Variants in RHOT1 observed in about 807,000 individuals in gnomAD.
The protein encoded by RHOT1 is mitochondrial Rho GTPase 1.
Under a neutral mutation model 95.3 loss-of-function variants are expected in RHOT1, and 27 were observed. The observed-to-expected ratio is 0.28, with a 90% CI of 0.21 to 0.39. The LOEUF is 0.39. Among genes scored for constraint, RHOT1 ranks in the 10% least tolerant of loss-of-function variants. The pLI is 1.00. For synonymous variants in RHOT1, 227 were observed against 263.5 expected (o/e 0.86, Z 1.34); for missense variants, 578 against 786.7 (o/e 0.73, Z 3.17).
intron 7 of RHOT1, 64 bp downstream of exon 7, chr17:32,182,929 A>G: frequency 9.7e-7 from 1 of 1,033,530 alleles, no homozygotes; most frequent in Non-Finnish European, 1.5e-6. Context: ...TCGGGTTTTA[A>G]ATAGGGGGGA....
chr17:32,208,556 A>G, intron 18 of RHOT1: 1 of 403,454 alleles, frequency 2.5e-6, no homozygotes. Flanking sequence ...ATAGAATAGT[A>G]CAATAAAACA....
chr17:32,157,750 T>C (rs530370805), intron 1 of RHOT1, among the ~76,000 whole-genome samples: 3 of 151,904 alleles, frequency 2.0e-5, no homozygotes, highest in Admixed American at 2.0e-4. Flanking sequence ...GAGGTTGCAG[T>C]GAGCTGAGAT....
intron 6 of RHOT1, chr17:32,178,972 TGAG>T (rs1280977792): frequency 2.2e-5 from 3 of 136,946 alleles, no homozygotes; most frequent in Non-Finnish European, 4.4e-5. Context: ...GTCTGGGAAG[TGAG>T]GAGCGCCTCT....
At chr17:32,165,060 C>T (rs139023794) in intron 1 of RHOT1, among the ~76,000 whole-genome samples, 168 of 150,536 alleles carry the variant, frequency 1.1e-3, no homozygotes, top group African/African-American at 3.4e-3. Flanking sequence ...CAGGGCCGGG[C>T]GTGGGCGTGG....
At chr17:32,180,637 TAA>T (rs1273650499) in intron 6 of RHOT1, among the ~76,000 whole-genome samples, 1 of 47,596 alleles carries the variant, frequency 2.1e-5, no homozygotes, top group African/African-American at 8.0e-5. Context: ...CAATAAACAT[TAA>T]AAAAAAAAGT....
intron 1 of RHOT1, among the ~76,000 whole-genome samples, chr17:32,156,466 TCA>T (rs1372947926): frequency 6.6e-6 from 1 of 152,214 alleles, no homozygotes; most frequent in Non-Finnish European, 1.5e-5. Context: ...AGGCGGGGTC[TCA>T]CTGTGTTGCC....
chr17:32,168,111 CAA>C (rs879435542), intron 1 of RHOT1, among the ~76,000 whole-genome samples: 19 of 140,390 alleles, frequency 1.4e-4, no homozygotes, highest in African/African-American at 5.0e-4. Context: ...ACCTACTCCT[CAA>C]AAAAAAAAAA....
chr17:32,149,633 A>ATGTGTGTGTGTGTGTGTGTGTGTG (rs1233010217), intron 1 of RHOT1, among the ~76,000 whole-genome samples: 3 of 81,280 alleles, frequency 3.7e-5, no homozygotes, highest in African/African-American at 4.7e-5. Context: ...ATATATATAT[A>ATGTGTGTGTGTGTGTGTGTGTGTG]TATGTGTGTG....
intron 1 of RHOT1, among the ~76,000 whole-genome samples, chr17:32,170,700 A>G (rs2034505133): frequency 6.6e-6 from 1 of 152,212 alleles, no homozygotes; most frequent in African/African-American, 2.4e-5. Flanking sequence ...TAATTAAGTG[A>G]TAAAGGAAAA....
intron 19 of RHOT1, among the ~76,000 whole-genome samples, chr17:32,211,604 T>G (rs879338226): frequency 2.6e-5 from 4 of 152,180 alleles, no homozygotes; most frequent in Non-Finnish European, 5.9e-5. Context: ...AAATGAAAGA[T>G]ATTATACTGT....
At chr17:32,189,893 T>G (rs2036356378) in intron 8 of RHOT1, among the ~76,000 whole-genome samples, 1 of 151,930 alleles carries the variant, frequency 6.6e-6, no homozygotes, top group Admixed American at 6.6e-5. Context: ...CCACCATGCC[T>G]GGCTAATTTT....
intron 9 of RHOT1, among the ~76,000 whole-genome samples, chr17:32,192,931 C>T (rs764939574): frequency 2.0e-5 from 3 of 152,168 alleles, no homozygotes; most frequent in Non-Finnish European, 2.9e-5. Flanking sequence ...TCCCAAAGTG[C>T]TGGGATTACA....
intron 8 of RHOT1, among the ~76,000 whole-genome samples, chr17:32,185,167 ATG>A (rs2035940251): frequency 6.6e-6 from 1 of 151,208 alleles, no homozygotes; most frequent in East Asian, 2.0e-4. Context: ...CTGGAGTGCA[ATG>A]GTGCGATCTC....
chr17:32,172,623 A>C (rs1466804965), intron 2 of RHOT1, among the ~76,000 whole-genome samples: 1 of 152,228 alleles, frequency 6.6e-6, no homozygotes, highest in Admixed American at 6.5e-5. Context: ...ACTTGAGGTC[A>C]GGAGTTCAAG....
intron 8 of RHOT1, among the ~76,000 whole-genome samples, chr17:32,189,977 C>A (rs1215225009): frequency 6.6e-6 from 1 of 151,906 alleles, no homozygotes; most frequent in Admixed American, 6.6e-5. Flanking sequence ...CCTTGGCTTC[C>A]CGAAAGTGTG....
intron 1 of RHOT1, among the ~76,000 whole-genome samples, chr17:32,163,296 A>G (rs1408814304): frequency 6.6e-6 from 1 of 152,238 alleles, no homozygotes; most frequent in African/African-American, 2.4e-5. Context: ...AATTAGGGAA[A>G]TAGGGGAACA....
At chr17:32,184,615 C>T (rs781231886) in intron 8 of RHOT1, among the ~76,000 whole-genome samples, 20 of 151,904 alleles carry the variant, frequency 1.3e-4, no homozygotes, top group Admixed American at 2.0e-4. Context: ...CTTAGCCTCT[C>T]GAGTAGCTAG....
At chr17:32,147,339 C>T (rs545817258) in intron 1 of RHOT1, among the ~76,000 whole-genome samples, 1 of 152,280 alleles carries the variant, frequency 6.6e-6, no homozygotes, top group African/African-American at 2.4e-5. Context: ...ACCACTATGC[C>T]TGGCCTAAGA....
intron 16 of RHOT1, among the ~76,000 whole-genome samples, chr17:32,205,783 C>T (rs2142875218): frequency 6.6e-6 from 1 of 152,248 alleles, no homozygotes; most frequent in African/African-American, 2.4e-5. Flanking sequence ...TGGGCTCAAG[C>T]GATCTGCCCA....
Sources: gnomAD v4.1 joint callset for allele counts (sites outside exome capture counted in the v4.1 genomes callset) on GRCh38, gnomAD v4.1.1 for gene constraint, MANE v1.5 for transcripts, NCBI Gene and HGNC (gene_info 2026-07-23, HGNC 2026-07-21) for gene names.